The following GPD1L variants were observed in gnomAD, a reference collection of about 807,000 sequenced individuals.
GPD1L encodes the protein glycerol-3-phosphate dehydrogenase 1-like protein.
GPD1L carries 17 observed loss-of-function variants against 32.9 expected under a neutral mutation model. The observed-to-expected ratio is 0.52, with a 90% CI of 0.35 to 0.78. GPD1L has a LOEUF of 0.78. Among genes scored for constraint, GPD1L ranks in the 30% least tolerant of loss-of-function variants. The probability of loss-of-function intolerance (pLI) is 0.01; values close to 1 mark genes in which losing one functional copy is unlikely to be tolerated. For missense variants in GPD1L, 361 were observed against 447.8 expected, an observed-to-expected ratio of 0.81 and a Z score of 1.75; for synonymous variants, 187 against 165.9, an observed-to-expected ratio of 1.13 and a Z score of -0.98.
At chr3:32,111,077 G>A (rs1450099690) in intron 1 of GPD1L, among the ~76,000 whole-genome samples, 1 of 152,188 alleles carries the variant, frequency 6.6e-6, no homozygotes, top group Non-Finnish European at 1.5e-5. Flanking sequence ...TGTTGGCCAG[G>A]TTGGTCTTGA....
rs185142247 is a variant in GPD1L at position 32,114,846 on chromosome 3, G to A, written c.47+8088G>A. On this transcript the variant is annotated intron_variant, in intron 1 of 7. Coordinates refer to ENST00000282541, the MANE Select transcript of GPD1L (RefSeq NM_015141.4). ...GTGAAGCCACAGACCTTCCCAGTGA[G>A]TGTTACAGCTCTTAAAGGTGGCGCG... Among the ~76,000 whole-genome samples the A allele has an allele frequency of 9.5e-4, 144 of 152,310 alleles. 1 individual carries two copies. Among genetic ancestry groups the A allele is most frequent in the Middle Eastern group, 3.4e-3 (1 of 294 alleles).
chr3:32,156,149 C>T (rs562228731), intron 5 of GPD1L, among the ~76,000 whole-genome samples: 29 of 152,334 alleles, frequency 1.9e-4, no homozygotes, highest in Non-Finnish European at 5.9e-5. Context: ...TTTCACACGG[C>T]TTCTGCCTTG....
At chr3:32,142,158 C>T (rs187466016) in intron 4 of GPD1L, among the ~76,000 whole-genome samples, 3 of 151,428 alleles carry the variant, frequency 2.0e-5, no homozygotes, top group East Asian at 1.9e-4. Context: ...CTCACCCTGT[C>T]GCCAGGCTTG....
intron 5 of GPD1L, 23 bp downstream of exon 5, chr3:32,146,757 A>G (rs112268055): frequency 8.0e-7 from 1 of 1,256,354 alleles, no homozygotes; most frequent in East Asian, 3.1e-5. Context: ...TCAGGGGAGG[A>G]GTTCATCAAG....
At chr3:32,139,413 T>C (rs1700707671) in intron 3 of GPD1L, among the ~76,000 whole-genome samples, 1 of 152,250 alleles carries the variant, frequency 6.6e-6, no homozygotes, top group African/African-American at 2.4e-5. Flanking sequence ...TTTTTCTAAT[T>C]GCATTAATAA....
chr3:32,155,186 C>T (rs1284713935), intron 5 of GPD1L, among the ~76,000 whole-genome samples: 3 of 152,102 alleles, frequency 2.0e-5, no homozygotes, highest in South Asian at 4.1e-4. Context: ...GGGGACAGAG[C>T]GGGCTGCAAA....
rs563924720 is a variant in GPD1L at position 32,163,568 on chromosome 3, G to A, written c.960-2246G>A. 9.2e-5 allele frequency among the ~76,000 whole-genome samples: 14 copies of A among 152,184 alleles called. No individual in the cohort carries two copies. The South Asian group carries it at 2.9e-3, about 32-fold the overall frequency. ...CCAAACTGATCTAATTGTCCTTTTA[G>A]CATTTTATGTAATAGAAAATAATAT... On this transcript the variant is annotated intron_variant, in intron 7 of 7. Transcript: ENST00000282541.
intron 1 of GPD1L, among the ~76,000 whole-genome samples, chr3:32,121,615 CTATATATAT>C (rs1433762145): frequency 0.027 from 1,967 of 73,988 alleles, 233 homozygotes; most frequent in African/African-American, 0.12. Flanking sequence ...ATATATATTT[CTATATATAT>C]TATATATATT....
At chr3:32,147,640 A>G (rs1482411805) in intron 5 of GPD1L, among the ~76,000 whole-genome samples, 2 of 152,184 alleles carry the variant, frequency 1.3e-5, no homozygotes, top group Non-Finnish European at 2.9e-5. Flanking sequence ...GGGAAATAAA[A>G]AGTTCTCAAT....
In GPD1L at chr3:32,140,272, C is replaced by T. The variant is rs1164026987; in HGVS notation, c.411C>T (p.Ile137=). 6.2e-7 allele frequency: 1 copy of T among 1,614,076 alleles called. No homozygotes were observed. The highest frequency in any genetic ancestry group is 2.2e-5 in the East Asian group (1 of 44,876). The change falls in exon 4 of 8, where the codon ATC becomes ATT. Residue 137 remains isoleucine (I), a synonymous_variant. Transcript: ENST00000282541. The part of the protein sequence containing the change: ...GPEGLKLISD[I]IREKMGIDIS... ...AGGGGCTGAAGCTCATTTCTGACAT[C>T]ATCCGTGAGAAGATGGGTATTGACA...
At chr3:32,146,584 G>A in intron 4 of GPD1L, 38 bp from the exon 5 acceptor site, 1 of 1,073,456 alleles carries the variant, frequency 9.3e-7, no homozygotes, top group South Asian at 1.2e-5. Context: ...AAGATTAGAG[G>A]CTGTTATTAA....
At chr3:32,109,340 G>A (rs1042293275) in intron 1 of GPD1L, among the ~76,000 whole-genome samples, 1 of 152,192 alleles carries the variant, frequency 6.6e-6, no homozygotes, top group African/African-American at 2.4e-5. Flanking sequence ...CTGCCATGCT[G>A]GAACTGGGCC....
chr3:32,141,023 G>A (rs1003838436), intron 4 of GPD1L, among the ~76,000 whole-genome samples: 8 of 152,178 alleles, frequency 5.3e-5, no homozygotes, highest in African/African-American at 9.7e-5. Context: ...TATATTAAAC[G>A]ATGCTTTGTT....
chr3:32,120,328 A>C (rs1700392938), intron 1 of GPD1L, among the ~76,000 whole-genome samples: 4 of 152,014 alleles, frequency 2.6e-5, no homozygotes, highest in African/African-American at 9.7e-5. Context: ...AAAAAAACAA[A>C]AAACAAACAA....
intron 7 of GPD1L, among the ~76,000 whole-genome samples, chr3:32,161,381 T>C (rs1204367733): frequency 6.6e-6 from 1 of 152,300 alleles, no homozygotes; most frequent in East Asian, 1.9e-4. Context: ...AAAAGGAAAA[T>C]GCCTCTGACA....
At chr3:32,126,901 C>A (rs1182922023) in intron 1 of GPD1L, among the ~76,000 whole-genome samples, 2 of 151,734 alleles carry the variant, frequency 1.3e-5, no homozygotes, top group African/African-American at 4.9e-5. Flanking sequence ...TCCCGGGTAA[C>A]TCTGTGTGCA....
Position 32,119,315 on chromosome 3 carries a change from G to C in GPD1L, c.48-8761G>C, listed in dbSNP as rs573392688. 7.5e-4 allele frequency among the ~76,000 whole-genome samples: 114 copies of C among 152,284 alleles called. 1 individual carries two copies. The highest frequency in any genetic ancestry group is 2.6e-3 in the African/African-American group (109 of 41,564). On this transcript the variant is annotated intron_variant, in intron 1 of 7. Transcript: ENST00000282541. Reference sequence around the variant, plus strand: ...GTTTTTGATAGTAGCCATCTAAGTGGATCTGAGGTGGTATTATTTATTAAT... The same window carrying C: ...GTTTTTGATAGTAGCCATCTAAGTGCATCTGAGGTGGTATTATTTATTAAT...
In GPD1L at chr3:32,106,684, G is replaced by T. The variant is rs371783162; in HGVS notation, c.-28G>T. 3.3e-6 allele frequency: 5 copies of T among 1,519,052 alleles called. No individual in the cohort carries two copies. The African/African-American group carries it at 7.1e-5, about 22-fold the overall frequency. 94.1% of individuals were successfully genotyped at this position (1,519,052 alleles called of 1,614,324 possible). ...GGTGGGCAGCCGGCCAGGGAAGCAC[G>T]GTCCAGGCGGCTACATTCGGCCCGG... On this transcript the variant is annotated 5_prime_UTR_variant, in exon 1 of 8. Coordinates refer to ENST00000282541, the MANE Select transcript of GPD1L (RefSeq NM_015141.4). The surrounding 1 kb of genome is among the most constrained non-coding windows in gnomAD (Gnocchi z 4.0).
chr3:32,110,286 C>G (rs1383920549), intron 1 of GPD1L, among the ~76,000 whole-genome samples: 1 of 152,212 alleles, frequency 6.6e-6, no homozygotes, highest in Non-Finnish European at 1.5e-5. Context: ...ACTAGACTTG[C>G]TTAATCATAT....
Sources: allele counts gnomAD v4.1 joint callset (sites outside exome capture counted in the v4.1 genomes callset), GRCh38; gene constraint gnomAD v4.1.1; non-coding constraint Gnocchi (gnomAD v3.1); transcripts MANE v1.5; gene names NCBI Gene and HGNC (gene_info 2026-07-23, HGNC 2026-07-21).